ST6GALNAC3: variants seen among roughly 807,000 people sequenced by gnomAD.
The protein encoded by ST6GALNAC3 is ST6 N-acetylgalactosaminide alpha-2,6-sialyltransferase 3.
In ST6GALNAC3, 25 loss-of-function variants were observed where a neutral mutation model predicts 32.7. The ratio of observed to expected loss-of-function variants is 0.76; its 90% CI spans 0.56 to 1.07. The LOEUF (loss-of-function observed/expected upper bound fraction) is 1.07. Ranked by LOEUF, ST6GALNAC3 falls within the 50% of genes least tolerant of loss-of-function variation. The probability of loss-of-function intolerance (pLI) is 0.00; values close to 1 mark genes in which losing one functional copy is unlikely to be tolerated. For synonymous variants in ST6GALNAC3, 129 were observed against 133.1 expected (o/e 0.97, Z 0.21); for missense variants, 355 against 382.4 (o/e 0.93, Z 0.60).
chr1:76,301,126 A>G (rs1660705395), intron 1 of ST6GALNAC3, among the ~76,000 whole-genome samples: 1 of 152,092 alleles, frequency 6.6e-6, no homozygotes, highest in African/African-American at 2.4e-5. Context: ...AATCAGAGAA[A>G]AAGAAAATTA....
chr1:76,272,506 G>A (rs1273637652), intron 1 of ST6GALNAC3, among the ~76,000 whole-genome samples: 10 of 152,120 alleles, frequency 6.6e-5, no homozygotes, highest in African/African-American at 2.2e-4. Flanking sequence ...AATCAGAATC[G>A]AAGCCTCAGG....
intron 3 of ST6GALNAC3, among the ~76,000 whole-genome samples, chr1:76,421,372 C>G (rs1486429850): frequency 6.6e-6 from 1 of 152,042 alleles, no homozygotes; most frequent in East Asian, 1.9e-4. Context: ...TAATAAGTAA[C>G]TGGCAGAGCC....
chr1:76,512,992 T>C (rs1661963934), intron 3 of ST6GALNAC3, among the ~76,000 whole-genome samples: 1 of 151,724 alleles, frequency 6.6e-6, no homozygotes, highest in South Asian at 2.1e-4. Context: ...TATTGGGTTT[T>C]TTTTCTTTTG....
At chr1:76,421,504 G>A (rs557762804) in intron 3 of ST6GALNAC3, among the ~76,000 whole-genome samples, 176 of 152,094 alleles carry the variant, frequency 1.2e-3, no homozygotes, top group Non-Finnish European at 2.2e-3. Flanking sequence ...AGTACCCAAA[G>A]TCAAAGTTAT....
chr1:76,554,974 A>G (rs1664834962), intron 3 of ST6GALNAC3, among the ~76,000 whole-genome samples: 1 of 152,178 alleles, frequency 6.6e-6, no homozygotes, highest in African/African-American at 2.4e-5. Context: ...CAGTTAACTA[A>G]TTTGCCCAAG....
intron 1 of ST6GALNAC3, among the ~76,000 whole-genome samples, chr1:76,293,357 T>A (rs760598703): frequency 1.8e-4 from 28 of 152,304 alleles, no homozygotes; most frequent in Non-Finnish European, 3.4e-4. Flanking sequence ...AGGGTCCTCA[T>A]CTCTCCCTAT....
intron 3 of ST6GALNAC3, among the ~76,000 whole-genome samples, chr1:76,626,704 A>G (rs1338368463): frequency 6.6e-6 from 1 of 151,846 alleles, no homozygotes; most frequent in Non-Finnish European, 1.5e-5. Flanking sequence ...CTTTGTTCCC[A>G]TGATCAAAGA....
chr1:76,215,696 T>C (rs1655417575), intron 1 of ST6GALNAC3, among the ~76,000 whole-genome samples: 1 of 152,206 alleles, frequency 6.6e-6, no homozygotes. Flanking sequence ...ATGGCAATTA[T>C]AAGAGACATG....
chr1:76,234,157 C>T (rs1656522062), intron 1 of ST6GALNAC3, among the ~76,000 whole-genome samples: 1 of 152,148 alleles, frequency 6.6e-6, no homozygotes, highest in Non-Finnish European at 1.5e-5. Context: ...CACCTTGCTT[C>T]CTTGCCCTTC....
chr1:76,206,023 C>G (rs1654802779), intron 1 of ST6GALNAC3, among the ~76,000 whole-genome samples: 1 of 152,114 alleles, frequency 6.6e-6, no homozygotes, highest in Non-Finnish European at 1.5e-5. Flanking sequence ...TTCTTGAGCT[C>G]TTTTCATATT....
chr1:76,512,906 T>G (rs1188109176), intron 3 of ST6GALNAC3, among the ~76,000 whole-genome samples: 1 of 152,226 alleles, frequency 6.6e-6, no homozygotes, highest in Non-Finnish European at 1.5e-5. Flanking sequence ...TTATTAATGC[T>G]GTCAAGCATT....
intron 2 of ST6GALNAC3, among the ~76,000 whole-genome samples, chr1:76,408,897 T>C (rs1251595861): frequency 6.6e-6 from 1 of 152,046 alleles, no homozygotes; most frequent in Non-Finnish European, 1.5e-5. Flanking sequence ...TAAGTTGGAG[T>C]ATGCCATATG....
chr1:76,579,264 A>T (rs897722807), intron 3 of ST6GALNAC3, among the ~76,000 whole-genome samples: 3 of 152,044 alleles, frequency 2.0e-5, no homozygotes, highest in Non-Finnish European at 4.4e-5. Flanking sequence ...AGCTCCAGAA[A>T]ATACCAACTC....
chr1:76,497,620 C>G (rs1660934532), intron 3 of ST6GALNAC3, among the ~76,000 whole-genome samples: 1 of 152,146 alleles, frequency 6.6e-6, no homozygotes, highest in African/African-American at 2.4e-5. Context: ...CGTTACTTGG[C>G]TAAAGAGTGG....
At position 76,323,186 on chromosome 1, in the gene ST6GALNAC3, G is replaced by A. The variant is rs547843960; in HGVS notation, c.213+9187G>A. The stretch of plus-strand genomic sequence containing the variant: ...GGATTGCAGGCCTGTGTCAAACACA[G>A]ACTATAAAAATGATTAAGAATGAAT... On this transcript the variant is annotated intron_variant, in intron 2 of 4. Transcript: ENST00000328299. Among the ~76,000 whole-genome samples the A allele has an allele frequency of 3.9e-5, 6 of 152,048 alleles. No individual in the cohort carries two copies. The South Asian group carries it at 1.0e-3, about 26-fold the overall frequency.
chr1:76,400,908 A>AG (rs1415084880), intron 2 of ST6GALNAC3, among the ~76,000 whole-genome samples: 5 of 151,738 alleles, frequency 3.3e-5, no homozygotes, highest in Non-Finnish European at 7.4e-5. Context: ...AAAAGAAAAA[A>AG]AAAAAGAATG....
At chr1:76,426,206 A>G (rs997852997) in intron 3 of ST6GALNAC3, among the ~76,000 whole-genome samples, 1 of 151,462 alleles carries the variant, frequency 6.6e-6, no homozygotes, top group African/African-American at 2.4e-5. Flanking sequence ...TTATGGCCTG[A>G]TATGTGTTTG....
intron 2 of ST6GALNAC3, among the ~76,000 whole-genome samples, chr1:76,388,583 T>G (rs1038041118): frequency 6.6e-6 from 1 of 152,164 alleles, no homozygotes; most frequent in African/African-American, 2.4e-5. Flanking sequence ...AGCTCTTTAT[T>G]TATTTGCTAT....
chr1:76,269,857 T>C (rs1416609328), intron 1 of ST6GALNAC3, among the ~76,000 whole-genome samples: 1 of 152,220 alleles, frequency 6.6e-6, no homozygotes, highest in African/African-American at 2.4e-5. Flanking sequence ...CTCTCCCAGA[T>C]TCTAACTGCT....
Sources: allele counts gnomAD v4.1 joint callset (sites outside exome capture counted in the v4.1 genomes callset), GRCh38; gene constraint gnomAD v4.1.1; transcripts MANE v1.5; gene names NCBI Gene and HGNC (gene_info 2026-07-23, HGNC 2026-07-21).